GSK3B: variants seen among roughly 807,000 people sequenced by gnomAD.
The protein encoded by GSK3B is glycogen synthase kinase 3 beta.
A neutral mutation model predicts 56.4 loss-of-function variants in GSK3B; 15 were observed. The ratio of observed to expected loss-of-function variants is 0.27; its 90% CI spans 0.18 to 0.41. The LOEUF (loss-of-function observed/expected upper bound fraction) is 0.41, where lower values mean the gene tolerates loss of function less well. GSK3B is among the 10% of genes least tolerant of loss of function. GSK3B has a pLI of 1.00. For missense variants in GSK3B, 300 were observed against 513.4 expected (o/e 0.58, Z 4.02); for synonymous variants, 181 against 188.9 (o/e 0.96, Z 0.34).
At position 119,899,065 on chromosome 3, in the gene GSK3B, G is replaced by C. The variant is rs568543678; in HGVS notation, c.813+6690C>G. 3.9e-5 allele frequency among the ~76,000 whole-genome samples: 6 copies of C among 152,120 alleles called. No homozygotes were observed. In the South Asian group the frequency reaches 1.2e-3, roughly 32 times the overall value. ...ACACCAGGAGGAGGATCATCTGCTT[G>C]GAATGATCCTGGATCAGTGAGCCAT... On this transcript the variant is annotated intron_variant, in intron 7 of 10. Coordinates refer to ENST00000264235, the MANE Select transcript of GSK3B (RefSeq NM_001146156.2).
chr3:120,079,569 A>G (rs1576315059), intron 1 of GSK3B, among the ~76,000 whole-genome samples: 1 of 151,864 alleles, frequency 6.6e-6, no homozygotes, highest in East Asian at 1.9e-4. Flanking sequence ...TAATTTTTGT[A>G]TTTTTAGTAG....
intron 1 of GSK3B, among the ~76,000 whole-genome samples, chr3:120,017,788 G>T (rs890861843): frequency 2.0e-5 from 3 of 152,096 alleles, no homozygotes; most frequent in Admixed American, 6.5e-5. Context: ...CACACACTGG[G>T]GGCGTCCCAT....
At chr3:119,977,720 T>C (rs989515136) in intron 2 of GSK3B, among the ~76,000 whole-genome samples, 2 of 152,154 alleles carry the variant, frequency 1.3e-5, no homozygotes, top group Non-Finnish European at 2.9e-5. Flanking sequence ...AAAATACTAA[T>C]AATTAGGTGC....
chr3:119,865,356 A>T (rs925432367), intron 8 of GSK3B, among the ~76,000 whole-genome samples: 1 of 147,980 alleles, frequency 6.8e-6, no homozygotes, highest in Non-Finnish European at 1.5e-5. Flanking sequence ...ATGCTGAGTT[A>T]TTTTAAATAA....
At chr3:120,004,064 C>T (rs2057702569) in intron 1 of GSK3B, among the ~76,000 whole-genome samples, 1 of 152,268 alleles carries the variant, frequency 6.6e-6, no homozygotes, top group South Asian at 2.1e-4. Context: ...TTTCCCAATG[C>T]TCTTCGCAAC....
At chr3:119,994,970 A>G (rs1479799044) in intron 2 of GSK3B, among the ~76,000 whole-genome samples, 1 of 152,102 alleles carries the variant, frequency 6.6e-6, no homozygotes, top group Non-Finnish European at 1.5e-5. Flanking sequence ...GAGTTTGGGA[A>G]ACAGACACTG....
At chr3:120,031,959 G>A (rs2107522573) in intron 1 of GSK3B, among the ~76,000 whole-genome samples, 1 of 152,152 alleles carries the variant, frequency 6.6e-6, no homozygotes, top group Non-Finnish European at 1.5e-5. Flanking sequence ...TCCTCCCTCT[G>A]GATTAACACT....
chr3:120,084,963 G>A (rs2058451168), intron 1 of GSK3B, among the ~76,000 whole-genome samples: 1 of 152,120 alleles, frequency 6.6e-6, no homozygotes, highest in African/African-American at 2.4e-5. Flanking sequence ...TACACAAAAT[G>A]CAAGTCTACT....
chr3:119,824,160 C>G lies in GSK3B; in HGVS notation c.*2628G>C. On this transcript the variant is annotated 3_prime_UTR_variant, in exon 11 of 11. Coordinates refer to ENST00000264235, the MANE Select transcript of GSK3B (RefSeq NM_001146156.2). ...CATATTTACATACAAAACAATAAAACTTAAATTTAAAAACACAGAAAGAAA... is the reference window on the plus strand; with the variant it reads ...CATATTTACATACAAAACAATAAAAGTTAAATTTAAAAACACAGAAAGAAA... 1 of 202,364 alleles carries G rather than the reference C, an allele frequency of 4.9e-6. No individual in the cohort carries two copies. The highest frequency in any genetic ancestry group is 1.0e-5 in the Non-Finnish European group (1 of 98,280). 12.5% of individuals were successfully genotyped at this position (202,364 alleles called of 1,614,324 possible). A position where few individuals can be genotyped will look rare whatever the true frequency, so the allele number is the denominator to read the frequency against.
chr3:119,832,744 T>C (rs2055623850), intron 10 of GSK3B, among the ~76,000 whole-genome samples: 1 of 152,268 alleles, frequency 6.6e-6, no homozygotes. Flanking sequence ...GGCACATGTA[T>C]TAAAACCAAT....
chr3:119,931,157 A>T (rs963901121), intron 3 of GSK3B, among the ~76,000 whole-genome samples: 1 of 152,262 alleles, frequency 6.6e-6, no homozygotes, highest in Non-Finnish European at 1.5e-5. Context: ...CTTGCACAAC[A>T]TAATTAAGAA....
intron 1 of GSK3B, among the ~76,000 whole-genome samples, chr3:120,076,324 A>G (rs1415469117): frequency 6.6e-6 from 1 of 152,212 alleles, no homozygotes; most frequent in Admixed American, 6.5e-5. Context: ...TGACACCAAA[A>G]CACAGGAAAC....
At chr3:119,962,391 CAAAAACAA>C (rs1474343791) in intron 2 of GSK3B, among the ~76,000 whole-genome samples, 3 of 130,064 alleles carry the variant, frequency 2.3e-5, no homozygotes, top group Admixed American at 7.6e-5. Context: ...AAAAAAAAAA[CAAAAACAA>C]AAAAACAAAA....
At chr3:119,872,303 A>T (rs2056259158) in intron 8 of GSK3B, among the ~76,000 whole-genome samples, 1 of 152,306 alleles carries the variant, frequency 6.6e-6, no homozygotes, top group Admixed American at 6.5e-5. Context: ...AGAAAGGCAG[A>T]AAAGATCAAG....
chr3:119,904,460 T>C (rs893330491), intron 7 of GSK3B, among the ~76,000 whole-genome samples: 3 of 152,106 alleles, frequency 2.0e-5, no homozygotes, highest in African/African-American at 7.2e-5. Context: ...AGCTGCAAAT[T>C]GTAAGAAATT....
chr3:120,076,671 G>A (rs334551), intron 1 of GSK3B, among the ~76,000 whole-genome samples: 15,794 of 151,308 alleles, frequency 0.1, 938 homozygotes, highest in African/African-American at 0.17. Flanking sequence ...AAAATTAGCC[G>A]GGCATGGTGG....
chr3:120,093,833 C>A lies in GSK3B; in HGVS notation c.-399G>T, dbSNP rs955048022. On this transcript the variant is annotated 5_prime_UTR_variant, in exon 1 of 11. Transcript: ENST00000264235. The stretch of plus-strand genomic sequence containing the variant: ...TTCCTCGGGGATTTTTTTTCCGAGT[C>A]AATGAAGAAGGGAAGCGGCGGAAGG... 3 of 186,322 alleles carry A rather than the reference C, an allele frequency of 1.6e-5. No homozygotes were observed. The East Asian group carries it at 2.7e-4, about 17-fold the overall frequency. The allele number at this position is 186,322 out of a possible 1,614,324, so 11.5% of individuals were successfully genotyped here. A position where few individuals can be genotyped will look rare whatever the true frequency, so the allele number is the denominator to read the frequency against.
At chr3:120,060,589 G>A (rs541240103) in intron 1 of GSK3B, among the ~76,000 whole-genome samples, 76 of 152,218 alleles carry the variant, frequency 5.0e-4, no homozygotes, top group African/African-American at 1.8e-3. Flanking sequence ...AGCCAGGCAT[G>A]GTGGCACACA....
At chr3:119,862,140 A>G (rs1432328702) in intron 9 of GSK3B, among the ~76,000 whole-genome samples, 1 of 150,786 alleles carries the variant, frequency 6.6e-6, no homozygotes, top group Non-Finnish European at 1.5e-5. Flanking sequence ...TCCAACAATG[A>G]TAGACTGGAT....
Sources: allele counts gnomAD v4.1 joint callset (sites outside exome capture counted in the v4.1 genomes callset), GRCh38; gene constraint gnomAD v4.1.1; transcripts MANE v1.5; gene names NCBI Gene and HGNC (gene_info 2026-07-23, HGNC 2026-07-21).